Variants in HTR1F observed in about 807,000 individuals in gnomAD.
The protein encoded by HTR1F is 5-hydroxytryptamine (serotonin) receptor 1F, G protein-coupled.
In HTR1F, 17 loss-of-function variants were observed where a neutral mutation model predicts 24.0. The observed-to-expected ratio is 0.71, with a 90% CI of 0.48 to 1.06. The LOEUF (loss-of-function observed/expected upper bound fraction) is 1.06, where lower values mean the gene tolerates loss of function less well. HTR1F is among the 50% of genes least tolerant of loss of function. The pLI is 0.00. For missense variants in HTR1F, 391 were observed against 427.8 expected (o/e 0.91, Z 0.76); for synonymous variants, 186 against 156.8 (o/e 1.19, Z -1.39).
intron 2 of HTR1F, among the ~76,000 whole-genome samples, chr3:87,905,800 A>AT (rs1297021911): frequency 6.6e-6 from 1 of 152,070 alleles, no homozygotes; most frequent in African/African-American, 2.4e-5. Context: ...CAAAGATAGC[A>AT]TTTTTTAAAG....
chr3:87,937,132 A>G (rs1228396029), intron 2 of HTR1F, among the ~76,000 whole-genome samples: 1 of 151,270 alleles, frequency 6.6e-6, no homozygotes, highest in Non-Finnish European at 1.5e-5. Context: ...TCATTCTATG[A>G]GGCCAGCATC....
At chr3:87,816,954 A>C (rs1255640352) in intron 1 of HTR1F, among the ~76,000 whole-genome samples, 4 of 152,140 alleles carry the variant, frequency 2.6e-5, no homozygotes, top group African/African-American at 4.8e-5. Flanking sequence ...AAATCTCAGA[A>C]TATTTTGGTA....
intron 2 of HTR1F, among the ~76,000 whole-genome samples, chr3:87,979,141 G>C (rs571680748): frequency 4.7e-4 from 61 of 129,948 alleles, no homozygotes; most frequent in African/African-American, 1.8e-3. Context: ...GGGAGGGAGG[G>C]AGGGAGATGG....
intron 2 of HTR1F, among the ~76,000 whole-genome samples, chr3:87,893,828 A>G (rs1365255225): frequency 6.6e-6 from 1 of 152,180 alleles, no homozygotes; most frequent in African/African-American, 2.4e-5. Flanking sequence ...CATTAATTTC[A>G]TTATAATGCT....
chr3:87,898,565 AG>A (rs1025612924), intron 2 of HTR1F, among the ~76,000 whole-genome samples: 2 of 152,162 alleles, frequency 1.3e-5, no homozygotes, highest in African/African-American at 4.8e-5. Context: ...CTAACATTGT[AG>A]TTTAATTAGA....
intron 2 of HTR1F, among the ~76,000 whole-genome samples, chr3:87,936,444 A>T (rs1704417096): frequency 6.6e-6 from 1 of 152,194 alleles, no homozygotes; most frequent in Non-Finnish European, 1.5e-5. Context: ...TTATCTTTTT[A>T]AAAACTTTAT....
intron 1 of HTR1F, among the ~76,000 whole-genome samples, chr3:87,796,873 T>C (rs1703914614): frequency 6.6e-6 from 1 of 152,178 alleles, no homozygotes; most frequent in South Asian, 2.1e-4. Flanking sequence ...TGCACTTAAG[T>C]AAAAATAATA....
chr3:87,845,956 C>G (rs1043818626), intron 2 of HTR1F, among the ~76,000 whole-genome samples: 2 of 151,912 alleles, frequency 1.3e-5, no homozygotes, highest in African/African-American at 4.9e-5. Flanking sequence ...AATCCTAGTA[C>G]TTAGCACACA....
At chr3:87,891,613 G>C (rs1396096967) in intron 2 of HTR1F, among the ~76,000 whole-genome samples, 1 of 152,132 alleles carries the variant, frequency 6.6e-6, no homozygotes, top group East Asian at 1.9e-4. Flanking sequence ...TCACCTCAAA[G>C]AATCTGCTTA....
At chr3:87,792,960 G>T (rs1034587982) in intron 1 of HTR1F, among the ~76,000 whole-genome samples, 118 bp downstream of exon 1, 1 of 152,268 alleles carries the variant, frequency 6.6e-6, no homozygotes, top group Non-Finnish European at 1.5e-5. Flanking sequence ...CTTGCTCTCG[G>T]CGGAAACGCT....
intron 2 of HTR1F, among the ~76,000 whole-genome samples, chr3:87,860,919 A>AAAT (rs1170894805): frequency 1.3e-5 from 2 of 152,154 alleles, no homozygotes; most frequent in African/African-American, 4.8e-5. Context: ...GCACCTTGGG[A>AAAT]AATGAGGCGG....
At chr3:87,801,491 TTATAC>T (rs1371758940) in intron 1 of HTR1F, among the ~76,000 whole-genome samples, 1 of 152,174 alleles carries the variant, frequency 6.6e-6, no homozygotes, top group Non-Finnish European at 1.5e-5. Flanking sequence ...CAGCTAGGTT[TTATAC>T]ATTTTAGGGA....
chr3:87,882,328 A>G (rs1705822868), intron 2 of HTR1F, among the ~76,000 whole-genome samples: 1 of 152,126 alleles, frequency 6.6e-6, no homozygotes. Flanking sequence ...AACAAGAAAT[A>G]CCATTTGACC....
At chr3:87,833,399 C>A (rs1467224102) in intron 2 of HTR1F, among the ~76,000 whole-genome samples, 1 of 152,156 alleles carries the variant, frequency 6.6e-6, no homozygotes, top group Non-Finnish European at 1.5e-5. Flanking sequence ...ATGCAGATTT[C>A]TTGGCCTCAT....
chr3:87,940,695 G>T (rs536812776), intron 2 of HTR1F, among the ~76,000 whole-genome samples: 1 of 152,260 alleles, frequency 6.6e-6, no homozygotes, highest in South Asian at 2.1e-4. Context: ...AAACAACAAA[G>T]CTGGAGGCAT....
chr3:87,929,995 C>A (rs550824346), intron 2 of HTR1F, among the ~76,000 whole-genome samples: 10 of 152,126 alleles, frequency 6.6e-5, no homozygotes, highest in African/African-American at 2.4e-4. Context: ...TTTTGTAGTT[C>A]TACTTGCAGA....
At chr3:87,961,676 A>G (rs538109434) in intron 2 of HTR1F, among the ~76,000 whole-genome samples, 7 of 152,170 alleles carry the variant, frequency 4.6e-5, no homozygotes, top group East Asian at 3.9e-4. Flanking sequence ...ACAGTATCTA[A>G]TATCTCACCC....
intron 2 of HTR1F, among the ~76,000 whole-genome samples, chr3:87,980,470 C>T (rs946957501): frequency 6.6e-6 from 1 of 152,158 alleles, no homozygotes; most frequent in East Asian, 1.9e-4. Context: ...GAAGTGCATG[C>T]TGACTGGTCC....
intron 2 of HTR1F, among the ~76,000 whole-genome samples, chr3:87,830,728 T>A (rs1252504426): frequency 2.0e-5 from 3 of 152,142 alleles, no homozygotes; most frequent in South Asian, 2.1e-4. Flanking sequence ...AGAAAAAAAA[T>A]GTGTAGAATT....
Sources: allele counts gnomAD v4.1 joint callset (sites outside exome capture counted in the v4.1 genomes callset), GRCh38; gene constraint gnomAD v4.1.1; transcripts MANE v1.5; gene names NCBI Gene and HGNC (gene_info 2026-07-23, HGNC 2026-07-21).